Variants in SCN1A observed in about 807,000 individuals in gnomAD.
The protein encoded by SCN1A is sodium channel protein type 1 subunit alpha.
A neutral mutation model predicts 193.7 loss-of-function variants in SCN1A; 13 were observed. The observed-to-expected ratio is 0.07, with a 90% CI of 0.04 to 0.11. The LOEUF is 0.11. SCN1A is among the 10% of genes least tolerant of loss of function. The pLI is 1.00. For missense variants in SCN1A, 1,432 were observed against 2,451.1 expected (o/e 0.58, Z 8.78); for synonymous variants, 781 against 843.6 (o/e 0.93, Z 1.29).
chr2:166,003,694 G>C (rs942495790), intron 23 of SCN1A, among the ~76,000 whole-genome samples: 1 of 151,508 alleles, frequency 6.6e-6, no homozygotes, highest in Non-Finnish European at 1.5e-5. Context: ...GCTAAAAACA[G>C]ACCCTAAAAT....
intron 1 of SCN1A, among the ~76,000 whole-genome samples, chr2:166,135,463 C>T (rs962605675): frequency 1.3e-5 from 2 of 152,158 alleles, no homozygotes; most frequent in African/African-American, 4.8e-5. Context: ...TTACCAGGAG[C>T]ACAGCAAAGC....
At chr2:166,077,532 A>G (rs1685103200) in intron 3 of SCN1A, among the ~76,000 whole-genome samples, 178 bp downstream of exon 3, 3 of 151,910 alleles carry the variant, frequency 2.0e-5, no homozygotes, top group African/African-American at 4.8e-5. Context: ...CTACACCCTC[A>G]TTAGAATGGT....
chr2:166,093,601 C>T (rs540524879), intron 2 of SCN1A, among the ~76,000 whole-genome samples: 1 of 152,228 alleles, frequency 6.6e-6, no homozygotes, highest in East Asian at 1.9e-4. Flanking sequence ...CCTCGGCCTC[C>T]CAAAGTGCTG....
chr2:166,140,834 G>A (rs1465355609), intron 1 of SCN1A, among the ~76,000 whole-genome samples: 2 of 152,098 alleles, frequency 1.3e-5, no homozygotes, highest in Non-Finnish European at 1.5e-5. Flanking sequence ...GACACGGACC[G>A]CGCAAAACCA....
At chr2:166,000,535 T>A (rs373383372) in intron 24 of SCN1A, among the ~76,000 whole-genome samples, 1 of 151,690 alleles carries the variant, frequency 6.6e-6, no homozygotes, top group South Asian at 2.1e-4. Context: ...CTAAAAGGAT[T>A]ATCCCTTAGC....
chr2:166,055,818 T>C (rs1422630867), intron 6 of SCN1A, among the ~76,000 whole-genome samples: 7 of 151,984 alleles, frequency 4.6e-5, no homozygotes, highest in Non-Finnish European at 8.8e-5. Flanking sequence ...TCAATATAGT[T>C]AGTAATGCTT....
At chr2:166,030,073 AC>A (rs371653877) in intron 19 of SCN1A, among the ~76,000 whole-genome samples, 3 of 152,166 alleles carry the variant, frequency 2.0e-5, no homozygotes, top group African/African-American at 7.2e-5. Flanking sequence ...TATAGTTGAC[AC>A]CTGTACCTAG....
At chr2:166,032,971 G>T (rs75271254) in intron 19 of SCN1A, among the ~76,000 whole-genome samples, 6,897 of 152,156 alleles carry the variant, frequency 0.045, 552 homozygotes, top group African/African-American at 0.16. Flanking sequence ...CTTCAGAATG[G>T]TTTTATTAAG....
In SCN1A at chr2:166,044,053, G is replaced by C. The variant is rs774453092; in HGVS notation, c.1663-4C>G. The stretch of plus-strand genomic sequence containing the variant: ...AGCCACGGATGCTCAACAAAGACTA[G>C]AAGTTTGAAAGAGCAAACAAATAAA... On this transcript the variant is annotated splice_polypyrimidine_tract_variant and splice_region_variant and intron_variant, in intron 13 of 28. Transcript: ENST00000674923. The C allele has an allele frequency of 2.5e-6, 4 of 1,614,084 alleles. No homozygotes were observed. In the South Asian group the frequency reaches 3.3e-5, roughly 13 times the overall value.
intron 3 of SCN1A, among the ~76,000 whole-genome samples, chr2:166,076,713 A>T (rs906508107): frequency 7.2e-5 from 11 of 151,962 alleles, no homozygotes; most frequent in Non-Finnish European, 1.5e-4. Context: ...GGAATAGGAT[A>T]GTGAGTGTGG....
chr2:166,079,289 G>A (rs1685262529), intron 2 of SCN1A, among the ~76,000 whole-genome samples: 1 of 150,850 alleles, frequency 6.6e-6, no homozygotes, highest in South Asian at 2.1e-4. Flanking sequence ...TTGATGTGTA[G>A]ATAACACTTA....
intron 22 of SCN1A, 80 bp from the exon 23 acceptor site, chr2:166,009,921 A>T: frequency 3.7e-6 from 5 of 1,345,546 alleles, no homozygotes; most frequent in Middle Eastern, 1.8e-4. Flanking sequence ...AACAAGTATA[A>T]TTTTTGCTTA....
chr2:166,002,437 A>G, intron 24 of SCN1A, 35 bp downstream of exon 24: 1 of 1,584,312 alleles, frequency 6.3e-7, no homozygotes, highest in South Asian at 1.1e-5. Context: ...TATTCCAAAC[A>G]ATAAAAATAT....
intron 23 of SCN1A, among the ~76,000 whole-genome samples, chr2:166,005,242 A>G (rs1210662671): frequency 6.6e-6 from 1 of 151,524 alleles, no homozygotes; most frequent in Non-Finnish European, 1.5e-5. Flanking sequence ...TAGGAATAAA[A>G]TAATGGTTGA....
intron 24 of SCN1A, among the ~76,000 whole-genome samples, chr2:166,001,717 CTA>C (rs1332805603): frequency 6.6e-6 from 1 of 151,274 alleles, no homozygotes; most frequent in Non-Finnish European, 1.5e-5. Context: ...AAATTATAAA[CTA>C]TTTTTCTTGG....
intron 4 of SCN1A, among the ~76,000 whole-genome samples, chr2:166,068,571 C>G (rs1684085704): frequency 6.6e-6 from 1 of 152,156 alleles, no homozygotes; most frequent in African/African-American, 2.4e-5. Context: ...TTTCTGATTT[C>G]CCGTTAATTA....
Position 166,038,121 on chromosome 2 carries a change from G to T in SCN1A, c.2601C>A (p.Phe867Leu), listed in dbSNP as rs2105808775. 6.2e-7 allele frequency: 1 copy of T among 1,610,726 alleles called. No individual in the cohort carries two copies. The highest frequency in any genetic ancestry group is 8.5e-7 in the Non-Finnish European group (1 of 1,177,946). ...ACGTTGGCCAAGATTTTGCCAACTT[G>T]AAAACTCGCAGCTGGAAAATGAAAG... ...VLRSFRLLRVFKLAKSWPTLN... is the reference protein window; with the variant it reads ...VLRSFRLLRVLKLAKSWPTLN... Residue 867 changes from phenylalanine (F) to leucine (L), a missense_variant, in exon 18 of 29, where the codon TTC becomes TTA. Phe to Leu is a conservative substitution (Grantham distance 22). Coordinates refer to ENST00000674923, the MANE Select transcript of SCN1A (RefSeq NM_001165963.4).
intron 19 of SCN1A, among the ~76,000 whole-genome samples, chr2:166,028,133 C>A (rs1252923701): frequency 1.3e-5 from 2 of 152,060 alleles, no homozygotes; most frequent in Non-Finnish European, 2.9e-5. Flanking sequence ...ATATACTACT[C>A]TGAATTTTGC....
intron 4 of SCN1A, among the ~76,000 whole-genome samples, chr2:166,064,829 TAAAGTA>T (rs1683672530): frequency 6.6e-6 from 1 of 152,134 alleles, no homozygotes; most frequent in African/African-American, 2.4e-5. Flanking sequence ...TTCCTACTCT[TAAAGTA>T]AATCTACTGG....
Sources: gnomAD v4.1 joint callset for allele counts (sites outside exome capture counted in the v4.1 genomes callset) on GRCh38, gnomAD v4.1.1 for gene constraint, MANE v1.5 for transcripts, NCBI Gene and HGNC (gene_info 2026-07-23, HGNC 2026-07-21) for gene names.